CACNG4: variants seen among roughly 807,000 people sequenced by gnomAD.
CACNG4 encodes the protein calcium voltage-gated channel auxiliary subunit gamma 4, also known as voltage-dependent calcium channel gamma-4 subunit.
A neutral mutation model predicts 22.9 loss-of-function variants in CACNG4; 8 were observed. The ratio of observed to expected loss-of-function variants is 0.35; its 90% confidence interval spans 0.21 to 0.63. CACNG4 has a LOEUF of 0.63. Ranked by LOEUF, CACNG4 falls within the 30% of genes least tolerant of loss-of-function variation. The pLI is 0.72. For missense variants in CACNG4, 357 were observed against 455.4 expected, an observed-to-expected ratio of 0.78 and a Z score of 1.97; for synonymous variants, 188 against 191.9, an observed-to-expected ratio of 0.98 and a Z score of 0.17.
At position 67,031,335 on chromosome 17, in the gene CACNG4, A is replaced by T. The variant is rs541011660; in HGVS notation, c.*331A>T. ...CTTGGGAAGACAAAATTGAGCCATT[A>T]TCTCCTCTTGGAAACGAATCTTGCC... On this transcript the variant is annotated 3_prime_UTR_variant, in exon 4 of 4. Coordinates refer to ENST00000262138, the MANE Select transcript of CACNG4 (RefSeq NM_014405.4). This position sits in a 1 kb window ranked among gnomAD's most constrained non-coding sequence, Gnocchi z 4.0. 33 of 530,646 alleles carry T rather than the reference A, an allele frequency of 6.2e-5. No homozygotes were observed. The highest frequency in any genetic ancestry group is 2.0e-4 in the Admixed American group (9 of 44,758). The allele number at this position is 530,646 out of a possible 1,614,324, so 32.9% of individuals were successfully genotyped here.
In CACNG4 at chr17:67,018,245, G is replaced by A. The variant is rs1453288345; in HGVS notation, c.277G>A (p.Asp93Asn). 3.7e-6 allele frequency: 6 copies of A among 1,614,054 alleles called. No homozygotes were observed. The highest frequency in any genetic ancestry group is 1.7e-5 in the Admixed American group (1 of 60,030). ...TCACTTCCCAGAGGACAATGACTAC[G>A]ACCACGACAGCTCGGAGTACCTCCT... ...INHFPEDNDY[D>N]HDSSEYLLRI... The change falls in exon 2 of 4, where the codon GAC (aspartate) becomes AAC (asparagine). Residue 93 changes from aspartate to asparagine, a missense_variant. By Grantham distance (23) the Asp-to-Asn change is conservative. Transcript: ENST00000262138.
chr17:67,022,168 G>A (rs74523232), intron 2 of CACNG4, among the ~76,000 whole-genome samples: 3,918 of 150,928 alleles, frequency 0.026, 171 homozygotes, highest in African/African-American at 0.091. Context: ...CTCTGCTCCC[G>A]GGTTCAGGCG....
chr17:67,002,655 A>T (rs904936343), intron 1 of CACNG4, among the ~76,000 whole-genome samples: 17 of 145,450 alleles, frequency 1.2e-4, no homozygotes, highest in African/African-American at 4.3e-4. Flanking sequence ...TCCATCCTCA[A>T]ATAGAATAGG....
chr17:67,026,951 A>G (rs2035571734), intron 3 of CACNG4, among the ~76,000 whole-genome samples: 1 of 143,798 alleles, frequency 7.0e-6, no homozygotes, highest in South Asian at 2.2e-4. Context: ...TGAAGCAGTC[A>G]TTTTTCAAAA....
chr17:67,025,198 G>A (rs1286728562), intron 3 of CACNG4, among the ~76,000 whole-genome samples, 198 bp downstream of exon 3: 2 of 152,240 alleles, frequency 1.3e-5, no homozygotes, highest in Non-Finnish European at 2.9e-5. Context: ...GCCAAACAGA[G>A]CTTCCTTTTG....
At chr17:67,024,527 G>A (rs1316621811) in intron 2 of CACNG4, among the ~76,000 whole-genome samples, 1 of 152,230 alleles carries the variant, frequency 6.6e-6, no homozygotes, top group African/African-American at 2.4e-5. Flanking sequence ...TTAGGGGGCT[G>A]TGCAGTGCCA....
At chr17:67,008,110 C>T (rs2035447662) in intron 1 of CACNG4, among the ~76,000 whole-genome samples, 1 of 152,196 alleles carries the variant, frequency 6.6e-6, no homozygotes, top group African/African-American at 2.4e-5. Context: ...GTCCCCAGCA[C>T]CTCACACACA....
chr17:66,972,976 T>C (rs2035213963), intron 1 of CACNG4, among the ~76,000 whole-genome samples: 1 of 149,136 alleles, frequency 6.7e-6, no homozygotes, highest in Non-Finnish European at 1.5e-5. Flanking sequence ...CCAGGTGCAG[T>C]GGCTCGCGCC....
intron 1 of CACNG4, among the ~76,000 whole-genome samples, chr17:66,990,085 G>A (rs1357366247): frequency 6.6e-6 from 1 of 152,184 alleles, no homozygotes; most frequent in Non-Finnish European, 1.5e-5. Flanking sequence ...GACACACTTA[G>A]CCGCATCCGC....
intron 2 of CACNG4, among the ~76,000 whole-genome samples, chr17:67,023,997 G>T (rs891940765): frequency 6.6e-6 from 1 of 152,172 alleles, no homozygotes; most frequent in African/African-American, 2.4e-5. Context: ...GTTATAAAAG[G>T]GGACTGAGGT....
At chr17:66,987,733 A>G (rs1295308360) in intron 1 of CACNG4, among the ~76,000 whole-genome samples, 1 of 152,054 alleles carries the variant, frequency 6.6e-6, no homozygotes, top group Non-Finnish European at 1.5e-5. Flanking sequence ...GGGGCGAAAT[A>G]CCCTGACTTT....
intron 3 of CACNG4, 110 bp downstream of exon 3, chr17:67,025,110 C>A: frequency 9.8e-7 from 1 of 1,019,766 alleles, no homozygotes; most frequent in Non-Finnish European, 1.3e-6. Flanking sequence ...GGAATGCAGA[C>A]ATAACATCGC....
chr17:67,029,012 G>A lies in CACNG4; in HGVS notation c.446-1454G>A, dbSNP rs530243776. 2.6e-5 allele frequency among the ~76,000 whole-genome samples: 4 copies of A among 152,350 alleles called. No homozygotes were observed. In the South Asian group the frequency reaches 8.3e-4, roughly 32 times the overall value. The stretch of plus-strand genomic sequence containing the variant: ...TATCCTGAATCCATCCAGGGACAGA[G>A]AAAGGACATTAGTACAAACCCAGTA... On this transcript the variant is annotated intron_variant, in intron 3 of 3. Transcript: ENST00000262138.
Position 67,030,386 on chromosome 17 carries a change from C to A in CACNG4, c.446-80C>A. 1.6e-6 allele frequency: 2 copies of A among 1,249,630 alleles called. No individual in the cohort carries two copies. Among genetic ancestry groups the A allele is most frequent in the Non-Finnish European group, 2.3e-6 (2 of 873,134 alleles). The allele number at this position is 1,249,630 out of a possible 1,614,324, so 77.4% of individuals were successfully genotyped here. A position where few individuals can be genotyped will look rare whatever the true frequency, so the allele number is the denominator to read the frequency against. ...GAGGGGAGTGTCCACCTGTTCCCTACACTGCCCGTCCCACTGTGGGTCTAA... is the reference window on the plus strand; with the variant it reads ...GAGGGGAGTGTCCACCTGTTCCCTAAACTGCCCGTCCCACTGTGGGTCTAA... On this transcript the variant is annotated intron_variant, in intron 3 of 3. Coordinates refer to ENST00000262138, the MANE Select transcript of CACNG4 (RefSeq NM_014405.4). The surrounding 1 kb of genome is among the most constrained non-coding windows in gnomAD (Gnocchi z 6.4).
At chr17:67,025,575 G>A (rs970535729) in intron 3 of CACNG4, among the ~76,000 whole-genome samples, 23 of 152,348 alleles carry the variant, frequency 1.5e-4, no homozygotes, top group African/African-American at 3.8e-4. Flanking sequence ...GGCGGCCCCC[G>A]CCCATCCCGA....
At chr17:66,979,860 AT>A (rs1398677354) in intron 1 of CACNG4, among the ~76,000 whole-genome samples, 3 of 149,166 alleles carry the variant, frequency 2.0e-5, no homozygotes, top group Non-Finnish European at 3.0e-5. Context: ...GGTTCAAGTA[AT>A]TCTCCTGCCT....
chr17:66,978,108 G>A (rs1324125257), intron 1 of CACNG4, among the ~76,000 whole-genome samples: 1 of 152,162 alleles, frequency 6.6e-6, no homozygotes, highest in African/African-American at 2.4e-5. Flanking sequence ...GAGGAGGTAG[G>A]ATATGGTGAT....
At position 67,030,399 on chromosome 17, in the gene CACNG4, A is replaced by C; in HGVS notation, c.446-67A>C. The C allele has an allele frequency of 7.2e-7, 1 of 1,396,588 alleles. No individual in the cohort carries two copies. Among genetic ancestry groups the C allele is most frequent in the South Asian group, 1.3e-5 (1 of 79,736 alleles). 86.5% of individuals were successfully genotyped at this position (1,396,588 alleles called of 1,614,324 possible). ...ACCTGTTCCCTACACTGCCCGTCCC[A>C]CTGTGGGTCTAACCTCTGCCTCTCT... is the stretch of plus-strand genomic sequence containing the variant. On this transcript the variant is annotated intron_variant, in intron 3 of 3. Coordinates refer to ENST00000262138, the MANE Select transcript of CACNG4 (RefSeq NM_014405.4). This position sits in a 1 kb window ranked among gnomAD's most constrained non-coding sequence, Gnocchi z 6.4.
intron 1 of CACNG4, among the ~76,000 whole-genome samples, chr17:66,968,650 CCCT>C (rs1447590534): frequency 1.8e-4 from 2 of 11,394 alleles, no homozygotes; most frequent in Admixed American, 7.2e-4. Context: ...CTCTCCCCTC[CCCT>C]CCTCCTCTCC....
Sources: gnomAD v4.1 joint callset for allele counts (sites outside exome capture counted in the v4.1 genomes callset) on GRCh38, gnomAD v4.1.1 for gene constraint, Gnocchi (gnomAD v3.1) non-coding constraint, MANE v1.5 for transcripts, NCBI Gene and HGNC (gene_info 2026-07-23, HGNC 2026-07-21) for gene names.